PCDHA3: variants seen among roughly 807,000 people sequenced by gnomAD.
PCDHA3 encodes the protein protocadherin alpha-3.
In PCDHA3, 41 loss-of-function variants were observed where a neutral mutation model predicts 62.2. That is an observed-to-expected ratio of 0.66 (90% confidence interval 0.51 to 0.86). The LOEUF (loss-of-function observed/expected upper bound fraction) is 0.86, where lower values mean the gene tolerates loss of function less well. Among genes scored for constraint, PCDHA3 ranks in the 40% least tolerant of loss-of-function variants. The pLI, the probability that PCDHA3 is intolerant of heterozygous loss-of-function variation, is 0.00. For missense variants in PCDHA3, 1,304 were observed against 1,241.2 expected (o/e 1.05, Z -0.76); for synonymous variants, 640 against 555.4 (o/e 1.15, Z -2.14).
intron 1 of PCDHA3, chr5:140,884,030 G>A: frequency 6.2e-7 from 1 of 1,613,438 alleles, no homozygotes; most frequent in Non-Finnish European, 8.5e-7. Flanking sequence ...GGTGGGTGCA[G>A]GCCACGTGGT....
chr5:140,821,655 G>T, intron 1 of PCDHA3: 1 of 1,121,134 alleles, frequency 8.9e-7, no homozygotes, highest in Non-Finnish European at 1.3e-6. Flanking sequence ...TCCATTTTTG[G>T]CTGTGCCAAG....
chr5:140,970,776 A>G lies in PCDHA3; in HGVS notation c.2395-8173A>G, dbSNP rs1338334067. Among the ~76,000 whole-genome samples the G allele has an allele frequency of 1.3e-5, 2 of 152,212 alleles. 1 individual carries two copies. The highest frequency in any genetic ancestry group is 4.8e-5 in the African/African-American group (2 of 41,458). On this transcript the variant is annotated intron_variant, in intron 1 of 3. Coordinates refer to ENST00000522353, the MANE Select transcript of PCDHA3 (RefSeq NM_018906.3). Reference sequence around the variant, plus strand: ...TTCATTGACATATTGCTGTACATACATATTGTATGTAATATCCATATTGTT... The same window carrying G: ...TTCATTGACATATTGCTGTACATACGTATTGTATGTAATATCCATATTGTT...
chr5:140,824,026 C>T, intron 1 of PCDHA3: 1 of 1,614,146 alleles, frequency 6.2e-7, no homozygotes, highest in Non-Finnish European at 8.5e-7. Flanking sequence ...GTCGTACTCG[C>T]AGCAGAGGAG....
At chr5:140,927,651 C>A in intron 1 of PCDHA3, 2 of 1,614,216 alleles carry the variant, frequency 1.2e-6, no homozygotes, top group Non-Finnish European at 1.7e-6. Context: ...CTGTGTTATT[C>A]CGAGTTCAAG....
intron 1 of PCDHA3, chr5:140,828,974 A>G (rs1314280199): frequency 1.2e-6 from 2 of 1,614,192 alleles, no homozygotes; most frequent in Non-Finnish European, 1.7e-6. Context: ...CCACTTTAGC[A>G]TAGATCGAAA....
intron 1 of PCDHA3, chr5:140,927,278 T>C: frequency 6.2e-7 from 1 of 1,614,094 alleles, no homozygotes; most frequent in Non-Finnish European, 8.5e-7. Flanking sequence ...GCCGGCGACG[T>C]GCAGCTGCAC....
intron 1 of PCDHA3, among the ~76,000 whole-genome samples, chr5:140,962,850 G>T (rs2095713419): frequency 6.6e-6 from 1 of 152,104 alleles, no homozygotes; most frequent in African/African-American, 2.4e-5. Flanking sequence ...TATAACTTGT[G>T]CTCGGTTTGT....
intron 1 of PCDHA3, among the ~76,000 whole-genome samples, chr5:140,873,578 G>A (rs1175903601): frequency 6.8e-5 from 8 of 117,146 alleles, no homozygotes; most frequent in Non-Finnish European, 1.4e-4. Flanking sequence ...GGTTGTTTAA[G>A]TATTAAGCTA....
Position 140,907,813 on chromosome 5 carries a change from G to A in PCDHA3, c.2395-71136G>A, listed in dbSNP as rs192249919. On this transcript the variant is annotated intron_variant, in intron 1 of 3. Coordinates refer to ENST00000522353, the MANE Select transcript of PCDHA3 (RefSeq NM_018906.3). ...AGAGGCTAAGTGGTGTCCACAGAACGAGTCATCCTATCCACTTGTTTATTA... is the reference window on the plus strand; with the variant it reads ...AGAGGCTAAGTGGTGTCCACAGAACAAGTCATCCTATCCACTTGTTTATTA... Among the ~76,000 whole-genome samples the A allele has an allele frequency of 2.7e-3, 406 of 152,332 alleles. 1 individual carries two copies. The highest frequency in any genetic ancestry group is 9.3e-3 in the African/African-American group (387 of 41,574).
At chr5:140,838,520 T>C (rs1554137093) in intron 1 of PCDHA3, among the ~76,000 whole-genome samples, 1 of 152,024 alleles carries the variant, frequency 6.6e-6, no homozygotes, top group Non-Finnish European at 1.5e-5. Flanking sequence ...ATTTGCATCT[T>C]ATTTTCTTTT....
chr5:140,944,095 A>AT (rs2093609322), intron 1 of PCDHA3, among the ~76,000 whole-genome samples: 1 of 152,250 alleles, frequency 6.6e-6, no homozygotes. Context: ...GAGTAAGTTT[A>AT]TATCTCATGG....
In PCDHA3 at chr5:140,802,061, T is replaced by TA. The variant is rs1762841677; in HGVS notation, c.865dup (p.Ile289AsnfsTer19). 1 of 1,614,088 alleles carries TA rather than the reference T, an allele frequency of 6.2e-7. No individual in the cohort carries two copies. The highest frequency in any genetic ancestry group is 1.3e-5 in the African/African-American group (1 of 74,936). ...CTTTCAATACGGACATGTCAGCAGA[T>TA]ATTCTGTCAAAATTCCATTTAGATC... On this transcript the variant is annotated frameshift_variant, in exon 1 of 4. Coordinates refer to ENST00000522353, the MANE Select transcript of PCDHA3 (RefSeq NM_018906.3). LOFTEE classifies it high-confidence loss of function.
chr5:140,978,907 G>T (rs782602741), intron 1 of PCDHA3, 42 bp from the exon 2 acceptor site: 3 of 1,613,648 alleles, frequency 1.9e-6, no homozygotes, highest in East Asian at 2.2e-5. Flanking sequence ...GGAGAACATT[G>T]TCTTGTCATT....
intron 1 of PCDHA3, chr5:140,834,945 C>T (rs2150229215): frequency 6.4e-7 from 1 of 1,552,558 alleles, no homozygotes; most frequent in East Asian, 2.3e-5. Flanking sequence ...CAGCAACCAG[C>T]AGGTAAAACC....
rs782651384 is a variant in PCDHA3 at position 140,835,888 on chromosome 5, G to A, written c.2394+32297G>A. On this transcript the variant is annotated intron_variant, in intron 1 of 3. Coordinates refer to ENST00000522353, the MANE Select transcript of PCDHA3 (RefSeq NM_018906.3). ...CTGGTGGAGCTGCGGGTGGGCGAGC[G>A]CGCGCTGTCGAGCTACGTGTCAGTG... is the stretch of plus-strand genomic sequence containing the variant. 1.2e-6 allele frequency: 2 copies of A among 1,611,826 alleles called. 1 individual carries two copies. Among genetic ancestry groups the A allele is most frequent in the Non-Finnish European group, 1.7e-6 (2 of 1,179,634 alleles).
At chr5:140,924,187 G>A (rs1238020963) in intron 1 of PCDHA3, among the ~76,000 whole-genome samples, 1 of 152,220 alleles carries the variant, frequency 6.6e-6, no homozygotes, top group Non-Finnish European at 1.5e-5. Flanking sequence ...CAGAAAATTA[G>A]TTTTGGTTTA....
At chr5:140,868,806 G>T (rs374832846) in intron 1 of PCDHA3, 1 of 357,072 alleles carries the variant, frequency 2.8e-6, no homozygotes, top group South Asian at 6.9e-5. Flanking sequence ...AAATAAGCAC[G>T]TTGGAAATAT....
At chr5:140,949,264 G>T (rs139292588) in intron 1 of PCDHA3, among the ~76,000 whole-genome samples, 2 of 151,666 alleles carry the variant, frequency 1.3e-5, no homozygotes, top group African/African-American at 2.4e-5. Flanking sequence ...AACATATCAC[G>T]TGCACTTGAA....
At chr5:140,995,087 C>T (rs1482673933) in intron 3 of PCDHA3, among the ~76,000 whole-genome samples, 1 of 152,222 alleles carries the variant, frequency 6.6e-6, no homozygotes, top group Non-Finnish European at 1.5e-5. Flanking sequence ...CCAAACTTAT[C>T]TGTGGAGATA....
Sources: allele counts gnomAD v4.1 joint callset (sites outside exome capture counted in the v4.1 genomes callset), GRCh38; gene constraint gnomAD v4.1.1; transcripts MANE v1.5; gene names NCBI Gene and HGNC (gene_info 2026-07-23, HGNC 2026-07-21).